POLDIP3: variants seen among roughly 807,000 people sequenced by gnomAD.
POLDIP3 encodes the protein DNA polymerase delta interacting protein 3, also known as polymerase delta-interacting protein 3.
A neutral mutation model predicts 45.1 loss-of-function variants in POLDIP3; 14 were observed. The observed-to-expected ratio is 0.31, with a 90% CI of 0.20 to 0.49. The LOEUF (loss-of-function observed/expected upper bound fraction) is 0.49. POLDIP3 is among the 20% of genes least tolerant of loss of function. The pLI is 0.99. For synonymous variants in POLDIP3, 223 were observed against 205.2 expected, an observed-to-expected ratio of 1.09 and a Z score of -0.74; for missense variants, 511 against 538.8, an observed-to-expected ratio of 0.95 and a Z score of 0.51.
intron 1 of POLDIP3, among the ~76,000 whole-genome samples, chr22:42,610,560 A>C (rs1245865129): frequency 1.3e-5 from 2 of 152,158 alleles, no homozygotes; most frequent in East Asian, 3.9e-4. Flanking sequence ...TCATCGAACT[A>C]ACAAAAGCGG....
chr22:42,590,948 C>A (rs550694761), intron 7 of POLDIP3, among the ~76,000 whole-genome samples: 2 of 152,046 alleles, frequency 1.3e-5, no homozygotes, highest in Admixed American at 1.3e-4. Context: ...GTGGCGTGCA[C>A]CTGTAGTCCC....
At chr22:42,601,430 T>C (rs1369748980) in intron 3 of POLDIP3, among the ~76,000 whole-genome samples, 2 of 151,962 alleles carry the variant, frequency 1.3e-5, no homozygotes, top group East Asian at 1.9e-4. Flanking sequence ...AAACTTTTTT[T>C]AGCCTCTCTG....
chr22:42,585,502 A>C lies in POLDIP3; in HGVS notation c.*289T>G, dbSNP rs2239811. On this transcript the variant is annotated 3_prime_UTR_variant, in exon 9 of 9. Transcript: ENST00000252115. ...ATTCAGTGTACCATTTCCAGATAAG[A>C]AATCAGCTTGGGGCTGAGGCTCGGG... The C allele has an allele frequency of 0.11, 48,415 of 427,606 alleles. 6,688 individuals are homozygous for C. Among genetic ancestry groups the C allele is most frequent in the East Asian group, 0.67 (13,669 of 20,350 alleles). 26.5% of individuals were successfully genotyped at this position (427,606 alleles called of 1,614,324 possible).
chr22:42,606,035 G>A (rs1196465805), intron 1 of POLDIP3, among the ~76,000 whole-genome samples: 2 of 152,118 alleles, frequency 1.3e-5, no homozygotes, highest in Non-Finnish European at 2.9e-5. Flanking sequence ...CTAGCTACTC[G>A]GAAGGCTGAG....
intron 7 of POLDIP3, among the ~76,000 whole-genome samples, chr22:42,589,841 A>G (rs1014031745): frequency 9.0e-5 from 13 of 144,278 alleles, no homozygotes; most frequent in Non-Finnish European, 1.4e-4. Context: ...GAGACTCCGT[A>G]TCAAAAAAAA....
At position 42,585,364 on chromosome 22, in the gene POLDIP3, A is replaced by C; in HGVS notation, c.*427T>G. 2.3e-6 allele frequency: 1 copy of C among 432,274 alleles called. No individual in the cohort carries two copies. Among genetic ancestry groups the C allele is most frequent in the South Asian group, 1.6e-5 (1 of 61,122 alleles). The allele number at this position is 432,274 out of a possible 1,614,324, so 26.8% of individuals were successfully genotyped here. ...GGCTCTCCATCCCCTCCATTGTTTG[A>C]AAAGCTTAATACACACAAAGGAAAG... On this transcript the variant is annotated 3_prime_UTR_variant, in exon 9 of 9. Transcript: ENST00000252115.
At chr22:42,588,172 G>A (rs988298378) in intron 7 of POLDIP3, among the ~76,000 whole-genome samples, 6 of 152,148 alleles carry the variant, frequency 3.9e-5, no homozygotes, top group African/African-American at 1.4e-4. Context: ...AAAGTAAAAT[G>A]GGGCCGGGCG....
intron 5 of POLDIP3, 97 bp downstream of exon 5, chr22:42,596,089 G>A (rs1177001246): frequency 9.0e-6 from 12 of 1,339,704 alleles, no homozygotes; most frequent in Non-Finnish European, 1.3e-5. Context: ...GGGTGGCAAT[G>A]CCCACCTCAC....
intron 6 of POLDIP3, among the ~76,000 whole-genome samples, chr22:42,593,267 G>A (rs1925779306): frequency 6.6e-6 from 1 of 152,200 alleles, no homozygotes; most frequent in Non-Finnish European, 1.5e-5. Context: ...CACAGATGCA[G>A]AACCGACAGA....
In POLDIP3 at chr22:42,583,741, T is replaced by G. The variant is rs1925111906; in HGVS notation, c.*2050A>C. On this transcript the variant is annotated 3_prime_UTR_variant, in exon 9 of 9. Coordinates refer to ENST00000252115, the MANE Select transcript of POLDIP3 (RefSeq NM_032311.5). ...AAAGGTAGGAATAACAAATGTTTAT[T>G]CAGAAATGGATAAGTAATACATAAT... 6.6e-6 allele frequency: 1 copy of G among 151,522 alleles called. No homozygotes were observed. Among genetic ancestry groups the G allele is most frequent in the Non-Finnish European group, 1.5e-5 (1 of 67,966 alleles). The allele number at this position is 151,522 out of a possible 1,614,324, so 9.4% of individuals were successfully genotyped here. A position where few individuals can be genotyped will look rare whatever the true frequency, so the allele number is the denominator to read the frequency against.
chr22:42,614,403 T>C (rs577772416), intron 1 of POLDIP3, among the ~76,000 whole-genome samples: 39 of 152,220 alleles, frequency 2.6e-4, no homozygotes, highest in African/African-American at 8.9e-4. Context: ...ACTTCGGTTG[T>C]CTCAACTCTA....
At chr22:42,613,716 G>GC (rs1927272348) in intron 1 of POLDIP3, among the ~76,000 whole-genome samples, 2 of 151,924 alleles carry the variant, frequency 1.3e-5, no homozygotes, top group South Asian at 4.2e-4. Flanking sequence ...AGCCGAGATG[G>GC]CACCACTGCA....
At chr22:42,611,581 T>G (rs1303911318) in intron 1 of POLDIP3, among the ~76,000 whole-genome samples, 1 of 152,204 alleles carries the variant, frequency 6.6e-6, no homozygotes, top group Non-Finnish European at 1.5e-5. Context: ...GTACGCAGAT[T>G]CTTCTAGGCA....
In POLDIP3 at chr22:42,603,212, G is replaced by A. The variant is rs747939185; in HGVS notation, c.60-52C>T. 4.5e-6 allele frequency: 7 copies of A among 1,572,186 alleles called. No homozygotes were observed. In the South Asian group the frequency reaches 8.2e-5, roughly 18 times the overall value. On this transcript the variant is annotated intron_variant, in intron 1 of 8. Transcript: ENST00000252115. ...TAAGTGGATCTGGGTATCTACAGCA[G>A]TCTATGAAAGCGGAACTGTGGTAAC... is the stretch of plus-strand genomic sequence containing the variant.
intron 1 of POLDIP3, among the ~76,000 whole-genome samples, chr22:42,605,246 G>A (rs1926649779): frequency 6.6e-6 from 1 of 152,232 alleles, no homozygotes; most frequent in African/African-American, 2.4e-5. Flanking sequence ...TCCTGCGCCA[G>A]CCTCCCAAGT....
chr22:42,599,659 G>C, intron 4 of POLDIP3, 39 bp downstream of exon 4: 2 of 1,444,580 alleles, frequency 1.4e-6, no homozygotes, highest in South Asian at 2.3e-5. Context: ...CCACCTGCCT[G>C]ATCAGACACG....
At chr22:42,586,397 A>G (rs1601879383) in intron 8 of POLDIP3, among the ~76,000 whole-genome samples, 1 of 151,950 alleles carries the variant, frequency 6.6e-6, no homozygotes, top group African/African-American at 2.4e-5. Context: ...TGGCATGATG[A>G]TGGCTCACTA....
chr22:42,597,462 G>A (rs1265668371), intron 4 of POLDIP3, among the ~76,000 whole-genome samples: 1 of 152,144 alleles, frequency 6.6e-6, no homozygotes, highest in Non-Finnish European at 1.5e-5. Context: ...TCCACACAGG[G>A]CCCTGAGAGC....
In POLDIP3 at chr22:42,601,198, A is replaced by AATAAT. The variant is rs562146615; in HGVS notation, c.537+771_537+772insATTAT. On this transcript the variant is annotated intron_variant, in intron 3 of 8. Coordinates refer to ENST00000252115, the MANE Select transcript of POLDIP3 (RefSeq NM_032311.5). ...GACTTTTTGGCAAGTTTTCTATATTAAGCACATAGAACTTTTATTTAAAAA... is the reference window on the plus strand; with the variant it reads ...GACTTTTTGGCAAGTTTTCTATATTAATAATAGCACATAGAACTTTTATTTAAAAA... 1.2e-3 allele frequency among the ~76,000 whole-genome samples: 188 copies of AATAAT among 152,032 alleles called. 1 individual carries two copies. The highest frequency in any genetic ancestry group is 4.4e-3 in the African/African-American group (181 of 41,464).
Sources: gnomAD v4.1 joint callset for allele counts (sites outside exome capture counted in the v4.1 genomes callset) on GRCh38, gnomAD v4.1.1 for gene constraint, MANE v1.5 for transcripts, NCBI Gene and HGNC (gene_info 2026-07-23, HGNC 2026-07-21) for gene names.